The following TNRC18 variants were observed in gnomAD, a reference collection of about 807,000 sequenced individuals.
TNRC18 encodes the protein trinucleotide repeat-containing gene 18 protein.
In TNRC18, 69 loss-of-function variants were observed where a neutral mutation model predicts 226.7. That is an observed-to-expected ratio of 0.30 (90% CI 0.25 to 0.37). TNRC18 has a LOEUF of 0.37. Among genes scored for constraint, TNRC18 ranks in the 10% least tolerant of loss-of-function variants. TNRC18 has a pLI of 1.00. For missense variants in TNRC18, 4,754 were observed against 4,256.6 expected (o/e 1.12, Z -3.25); for synonymous variants, 2,449 against 1,927.6 (o/e 1.27, Z -7.09).
At chr7:5,395,036 G>C (rs994673288) in intron 2 of TNRC18, among the ~76,000 whole-genome samples, 1 of 152,176 alleles carries the variant, frequency 6.6e-6, no homozygotes, top group Admixed American at 6.5e-5. Flanking sequence ...CATATGCTGA[G>C]CTCTGCAGGC....
In TNRC18 at chr7:5,308,063, T is replaced by G; in HGVS notation, c.*43A>C. ...CATGGCAGTGATGGAGATGGGTCCC[T>G]GGCCGCCCTCGGGGCACAGGTGGCC... On this transcript the variant is annotated 3_prime_UTR_variant, in exon 30 of 30. Coordinates refer to ENST00000430969, the MANE Select transcript of TNRC18 (RefSeq NM_001080495.3). The G allele has an allele frequency of 6.6e-7, 1 of 1,526,450 alleles. No homozygotes were observed. Among genetic ancestry groups the G allele is most frequent in the African/African-American group, 1.4e-5 (1 of 72,488 alleles). 94.6% of individuals were successfully genotyped at this position (1,526,450 alleles called of 1,614,324 possible). A position where few individuals can be genotyped will look rare whatever the true frequency, so the allele number is the denominator to read the frequency against.
Position 5,309,586 on chromosome 7 carries a change from C to T in TNRC18, c.8389-218G>A, listed in dbSNP as rs1786977849. Among the ~76,000 whole-genome samples, 1 of 152,258 alleles carries T rather than the reference C, an allele frequency of 6.6e-6. No individual in the cohort carries two copies. Among genetic ancestry groups the T allele is most frequent in the Non-Finnish European group, 1.5e-5 (1 of 68,044 alleles). On this transcript the variant is annotated intron_variant, in intron 27 of 29. Coordinates refer to ENST00000430969, the MANE Select transcript of TNRC18 (RefSeq NM_001080495.3). The surrounding 1 kb of genome is among the most constrained non-coding windows in gnomAD (Gnocchi z 5.7). ...GTCTCCAAGAGGCGCTTCCCTTGATCTAAGCATTCTGCCGCTACAAGACTT... is the reference window on the plus strand; with the variant it reads ...GTCTCCAAGAGGCGCTTCCCTTGATTTAAGCATTCTGCCGCTACAAGACTT...
chr7:5,335,559 C>T (rs563699022), intron 18 of TNRC18, among the ~76,000 whole-genome samples: 4 of 147,858 alleles, frequency 2.7e-5, no homozygotes, highest in South Asian at 2.1e-4. Context: ...GAGCTGAGAT[C>T]GCGCCACTGC....
intron 22 of TNRC18, 51 bp from the exon 23 acceptor site, chr7:5,320,658 G>A (rs1408657362): frequency 4.6e-6 from 7 of 1,536,902 alleles, no homozygotes; most frequent in Non-Finnish European, 6.2e-6. Context: ...CCTCCCCAGA[G>A]GGCCTCAATC....
In TNRC18 at chr7:5,357,070, C is replaced by T. The variant is rs763724038; in HGVS notation, c.5040G>A (p.Leu1680=). Residue 1680 remains leucine (L), a synonymous_variant, in exon 16 of 30, where the codon CTG becomes CTA. Transcript: ENST00000430969. ...DSLLGKNRKA[L]AKGLGLSLKS... is the part of the protein sequence containing the mutation. ...TCAGAGACAGGCCGAGGCCCTTGGC[C>T]AGCGCCTTCCTGTTCTTCCCCAGCA... 6.4e-7 allele frequency: 1 copy of T among 1,552,144 alleles called. No homozygotes were observed. The highest frequency in any genetic ancestry group is 1.2e-5 in the South Asian group (1 of 84,068).
intron 2 of TNRC18, among the ~76,000 whole-genome samples, chr7:5,396,893 A>G (rs2128205483): frequency 6.6e-6 from 1 of 152,270 alleles, no homozygotes; most frequent in South Asian, 2.1e-4. Flanking sequence ...GGGCCTGTAT[A>G]CAAGTGCTCA....
At chr7:5,330,575 G>A (rs995261143) in intron 19 of TNRC18, among the ~76,000 whole-genome samples, 3 of 151,952 alleles carry the variant, frequency 2.0e-5, no homozygotes, top group African/African-American at 4.8e-5. Flanking sequence ...TATAGAGAGC[G>A]GTTCATAGGA....
At chr7:5,314,161 A>G (rs888755526) in intron 26 of TNRC18, among the ~76,000 whole-genome samples, 12 of 151,564 alleles carry the variant, frequency 7.9e-5, no homozygotes, top group Non-Finnish European at 1.3e-4. Flanking sequence ...TTGTAGAGAT[A>G]CAGTTTTGCT....
At chr7:5,420,146 GGA>G in intron 2 of TNRC18, 2 of 335,016 alleles carry the variant, frequency 6.0e-6, no homozygotes, top group South Asian at 4.3e-5. Flanking sequence ...CTGACTGGAG[GGA>G]GAGTCTCCCG....
chr7:5,353,625 G>T (rs1032055428), intron 16 of TNRC18, among the ~76,000 whole-genome samples: 3 of 149,530 alleles, frequency 2.0e-5, no homozygotes, highest in African/African-American at 7.4e-5. Context: ...AACTGAAAAA[G>T]CAAGAGGAGA....
In TNRC18 at chr7:5,370,596, G is replaced by A. The variant is rs1307965516; in HGVS notation, c.3998C>T (p.Pro1333Leu). The change falls in exon 11 of 30, where the codon CCC becomes CTC. Residue 1333 changes from proline to leucine, a missense_variant. Transcript: ENST00000430969. ...GCCAGCCAGTGGGTCCTCCAGACTG[G>A]GCAGGAACTGGTCAGAGCTTGCCTC... ...LEEASSDQFL[P>L]SLEDPLAGMN... 1 of 1,613,352 alleles carries A rather than the reference G, an allele frequency of 6.2e-7. No homozygotes were observed.
At chr7:5,365,136 T>C (rs2045821680) in intron 11 of TNRC18, among the ~76,000 whole-genome samples, 1 of 152,134 alleles carries the variant, frequency 6.6e-6, no homozygotes, top group African/African-American at 2.4e-5. Flanking sequence ...CTTTTCAAGA[T>C]AGGGTCTCAC....
chr7:5,345,517 G>GGGGGCGGGGGCCGCCCCCCC, intron 18 of TNRC18, 45 bp downstream of exon 18: 1 of 377,744 alleles, frequency 2.6e-6, no homozygotes, highest in Non-Finnish European at 4.8e-6. Context: ...AATGGCGTCC[G>GGGGGCGGGGGCCGCCCCCCC]CCCCTCCCAC....
chr7:5,338,658 C>T (rs963087032), intron 18 of TNRC18, among the ~76,000 whole-genome samples: 4 of 148,766 alleles, frequency 2.7e-5, no homozygotes, highest in East Asian at 2.0e-4. Context: ...CAGTAGCTCA[C>T]GCCTGTAATC....
At chr7:5,382,459 G>A (rs766262110) in intron 5 of TNRC18, among the ~76,000 whole-genome samples, 7 of 152,188 alleles carry the variant, frequency 4.6e-5, no homozygotes, top group African/African-American at 1.4e-4. Context: ...CAAGGCTCAC[G>A]CAGAGGCCCC....
intron 4 of TNRC18, chr7:5,390,171 C>A: frequency 2.1e-6 from 1 of 469,578 alleles, no homozygotes; most frequent in Non-Finnish European, 3.7e-6. Context: ...TGAAACCATC[C>A]TGGGCAACAC....
In TNRC18 at chr7:5,423,527, C is replaced by CCA. The variant is rs1782696637; in HGVS notation, c.-331_-330insTG. 6.6e-6 allele frequency: 1 copy of CCA among 152,186 alleles called. No individual in the cohort carries two copies. The highest frequency in any genetic ancestry group is 2.4e-5 in the African/African-American group (1 of 41,440). 9.4% of individuals were successfully genotyped at this position (152,186 alleles called of 1,614,324 possible). On this transcript the variant is annotated 5_prime_UTR_variant, in exon 1 of 30. The change creates a new upstream start codon in the 5' untranslated region. Transcript: ENST00000430969. The stretch of plus-strand genomic sequence containing the variant: ...CTCCCGGCGCAGCTAGGCGCCCCTG[C>CCA]TGCCCGCCATCCCGCGGCCGCCGCT...
chr7:5,349,721 ACATT>A (rs1204487837), intron 17 of TNRC18, among the ~76,000 whole-genome samples: 1 of 152,202 alleles, frequency 6.6e-6, no homozygotes, highest in Non-Finnish European at 1.5e-5. Flanking sequence ...ACCAAAACAG[ACATT>A]CAAAGCGTCA....
At chr7:5,341,182 C>T (rs142420883) in intron 18 of TNRC18, among the ~76,000 whole-genome samples, 2 of 151,576 alleles carry the variant, frequency 1.3e-5, no homozygotes, top group African/African-American at 4.9e-5. Context: ...GAGGCTGAGG[C>T]AGGCGGATCA....
Sources: gnomAD v4.1 joint callset for allele counts (sites outside exome capture counted in the v4.1 genomes callset) on GRCh38, gnomAD v4.1.1 for gene constraint, Gnocchi (gnomAD v3.1) non-coding constraint, MANE v1.5 for transcripts, NCBI Gene and HGNC (gene_info 2026-07-23, HGNC 2026-07-21) for gene names.